The following HIVEP3 variants were observed in gnomAD, a reference collection of about 807,000 sequenced individuals.
The protein encoded by HIVEP3 is transcription factor HIVEP3.
A neutral mutation model predicts 152.8 loss-of-function variants in HIVEP3; 49 were observed. The ratio of observed to expected loss-of-function variants is 0.32; its 90% CI spans 0.26 to 0.41. The LOEUF (loss-of-function observed/expected upper bound fraction) is 0.41. Among genes scored for constraint, HIVEP3 ranks in the 10% least tolerant of loss-of-function variants. The pLI is 1.00. For missense variants in HIVEP3, 2,790 were observed against 3,103.3 expected (o/e 0.90, Z 2.40); for synonymous variants, 1,269 against 1,289.0 (o/e 0.98, Z 0.33).
intron 1 of HIVEP3, among the ~76,000 whole-genome samples, chr1:42,001,953 T>C (rs1462238058): frequency 6.6e-6 from 1 of 152,084 alleles, no homozygotes; most frequent in Non-Finnish European, 1.5e-5. Flanking sequence ...GCATATGTCC[T>C]GCACTTGTTC....
chr1:41,703,693 T>C (rs1646394918), intron 1 of HIVEP3, among the ~76,000 whole-genome samples: 1 of 152,202 alleles, frequency 6.6e-6, no homozygotes, highest in Non-Finnish European at 1.5e-5. Flanking sequence ...ACATAAAAAA[T>C]CCCTAATAAA....
intron 1 of HIVEP3, among the ~76,000 whole-genome samples, chr1:41,741,147 C>T (rs1215815740): frequency 6.6e-6 from 1 of 152,190 alleles, no homozygotes; most frequent in Non-Finnish European, 1.5e-5. Context: ...GATCACACAG[C>T]TAGAGCAGGG....
At chr1:42,028,338 T>C (rs951233778) in intron 1 of HIVEP3, among the ~76,000 whole-genome samples, 62 of 152,212 alleles carry the variant, frequency 4.1e-4, no homozygotes, top group African/African-American at 1.4e-3. Context: ...TCACAGAATG[T>C]GTGCTGTGGA....
intron 1 of HIVEP3, among the ~76,000 whole-genome samples, chr1:41,773,361 A>T (rs1246313637): frequency 1.3e-5 from 2 of 152,208 alleles, no homozygotes; most frequent in Middle Eastern, 6.3e-3. Flanking sequence ...TGTGAATAAA[A>T]ACATCACACA....
At chr1:41,666,475 G>C (rs549953301) in intron 2 of HIVEP3, among the ~76,000 whole-genome samples, 89 of 152,322 alleles carry the variant, frequency 5.8e-4, no homozygotes, top group Non-Finnish European at 4.4e-4. Flanking sequence ...TCCAAGGGCT[G>C]CTGGGAAGTT....
At chr1:41,555,450 C>T (rs941385263) in intron 5 of HIVEP3, among the ~76,000 whole-genome samples, 1 of 152,250 alleles carries the variant, frequency 6.6e-6, no homozygotes, top group African/African-American at 2.4e-5. Flanking sequence ...CCTTGCACTT[C>T]CCGGGTGAGG....
intron 1 of HIVEP3, among the ~76,000 whole-genome samples, chr1:42,001,983 C>A (rs918554028): frequency 1.3e-5 from 2 of 152,102 alleles, no homozygotes; most frequent in African/African-American, 4.8e-5. Flanking sequence ...GGCACCAATG[C>A]CCCTGCCTGT....
chr1:41,740,764 C>T (rs1646985488), intron 1 of HIVEP3, among the ~76,000 whole-genome samples: 1 of 152,238 alleles, frequency 6.6e-6, no homozygotes, highest in South Asian at 2.1e-4. Context: ...GAGCACTGCA[C>T]AAGGAGTCTG....
At chr1:41,731,520 T>C (rs559482926) in intron 1 of HIVEP3, among the ~76,000 whole-genome samples, 2 of 152,320 alleles carry the variant, frequency 1.3e-5, no homozygotes, top group East Asian at 1.9e-4. Flanking sequence ...TAACAGGATG[T>C]CGTGGGAATG....
At chr1:41,596,243 G>T (rs769745037) in intron 3 of HIVEP3, among the ~76,000 whole-genome samples, 5 of 152,208 alleles carry the variant, frequency 3.3e-5, no homozygotes, top group Non-Finnish European at 5.9e-5. Context: ...GAAAGCAGGT[G>T]GAAGGCACAA....
chr1:41,827,133 G>A (rs953890577), intron 1 of HIVEP3, among the ~76,000 whole-genome samples: 1 of 152,190 alleles, frequency 6.6e-6, no homozygotes, highest in Non-Finnish European at 1.5e-5. Context: ...CCAGGGGGCT[G>A]CTGACGGCCA....
At chr1:41,610,848 G>T (rs1011227129) in intron 3 of HIVEP3, among the ~76,000 whole-genome samples, 9 of 152,194 alleles carry the variant, frequency 5.9e-5, no homozygotes, top group African/African-American at 2.2e-4. Context: ...TACTGTTTGT[G>T]TGCCTGAGGG....
At chr1:42,032,351 C>T (rs75110678) in intron 1 of HIVEP3, among the ~76,000 whole-genome samples, 1,676 of 152,278 alleles carry the variant, frequency 0.011, 32 homozygotes, top group African/African-American at 0.039. Context: ...GAAGAATACC[C>T]GATTCCCAAC....
chr1:41,584,571 T>G lies in HIVEP3; in HGVS notation c.227A>C (p.Gln76Pro). 6.2e-7 allele frequency: 1 copy of G among 1,614,120 alleles called. No individual in the cohort carries two copies. Among genetic ancestry groups the G allele is most frequent in the Non-Finnish European group, 8.5e-7 (1 of 1,180,012 alleles). ...GGGCCTTTTGGGGGGCTTCTGCTGC[T>G]GGCCCGTTTTCTCCTGAGAGCCTTC... ...LREGSQEKTGQQQKPPKRPPI... is the reference protein window; with the variant it reads ...LREGSQEKTGPQQKPPKRPPI... The change falls in exon 4 of 9, where the codon CAG (glutamine) becomes CCG (proline). Residue 76 changes from glutamine (Q) to proline (P), a missense_variant. By Grantham distance (76) the Gln-to-Pro change is moderately conservative. Transcript: ENST00000372583. The surrounding 1 kb of genome is among the most constrained non-coding windows in gnomAD (Gnocchi z 5.2).
chr1:41,952,399 C>T (rs1477984390), intron 1 of HIVEP3, among the ~76,000 whole-genome samples: 2 of 151,332 alleles, frequency 1.3e-5, no homozygotes, highest in Non-Finnish European at 1.5e-5. Flanking sequence ...TCTTCTCCAA[C>T]CACATTGCTT....
Position 41,584,386 on chromosome 1 carries a change from G to A in HIVEP3, c.412C>T (p.Leu138Phe). ...GGAAGGAGCTGGCTCTGAGGATGGA[G>A]CCCAGGGGCCACGAAGGAGCCAGAG... Reference protein sequence around the residue: ...GPSGSFVAPGLHPQSQLLPSH... With the variant: ...GPSGSFVAPGFHPQSQLLPSH... Residue 138 changes from leucine (L) to phenylalanine (F), a missense_variant, in exon 4 of 9, where the codon CTC becomes TTC. Around this residue, in one of 9 missense-constraint regions of HIVEP3, gnomAD observed 209 missense variants for 237.0 expected, o/e 0.88. Coordinates refer to ENST00000372583, the MANE Select transcript of HIVEP3 (RefSeq NM_024503.5). The surrounding 1 kb of genome is among the most constrained non-coding windows in gnomAD (Gnocchi z 5.2). 1.2e-6 allele frequency: 2 copies of A among 1,613,852 alleles called. No homozygotes were observed. The highest frequency in any genetic ancestry group is 1.1e-5 in the South Asian group (1 of 91,040).
intron 1 of HIVEP3, among the ~76,000 whole-genome samples, chr1:41,717,768 C>T (rs1194167913): frequency 1.3e-5 from 2 of 152,174 alleles, no homozygotes; most frequent in African/African-American, 4.8e-5. Context: ...ATCCAGGGGT[C>T]GCCCACCATA....
chr1:41,896,764 T>C (rs139160511), intron 1 of HIVEP3, among the ~76,000 whole-genome samples: 2 of 151,926 alleles, frequency 1.3e-5, no homozygotes, highest in Admixed American at 6.5e-5. Context: ...TTAGTAGAGA[T>C]AGGGTTTCAC....
rs890846553 is a variant in HIVEP3 at position 41,762,905 on chromosome 1, G to GA, written c.-800-61911dup. ...TGCATGTTAGGGGGCTGAGCTAGGG[G>GA]AATAGGTGGAATTGGCCACTCCTTC... On this transcript the variant is annotated intron_variant, in intron 1 of 8. Transcript: ENST00000372583. Among the ~76,000 whole-genome samples the GA allele has an allele frequency of 4.3e-4, 65 of 152,358 alleles. 1 individual carries two copies. The highest frequency in any genetic ancestry group is 1.5e-3 in the African/African-American group (64 of 41,580).
Sources: allele counts gnomAD v4.1 joint callset (sites outside exome capture counted in the v4.1 genomes callset), GRCh38; gene constraint gnomAD v4.1.1; regional missense constraint gnomAD v4.1.1; non-coding constraint Gnocchi (gnomAD v3.1); transcripts MANE v1.5; gene names NCBI Gene and HGNC (gene_info 2026-07-23, HGNC 2026-07-21).